Variants in DOCK3 observed in about 807,000 individuals in gnomAD.
DOCK3 encodes the protein dedicator of cytokinesis 3, also known as dedicator of cytokinesis protein 3.
In DOCK3, 60 loss-of-function variants were observed where a neutral mutation model predicts 265.6. That is an observed-to-expected ratio of 0.23 (90% CI 0.18 to 0.28). The LOEUF (loss-of-function observed/expected upper bound fraction) is 0.28, where lower values mean the gene tolerates loss of function less well. Ranked by LOEUF, DOCK3 falls within the 10% of genes least tolerant of loss-of-function variation. The pLI, the probability that DOCK3 is intolerant of heterozygous loss-of-function variation, is 1.00. For synonymous variants in DOCK3, 881 were observed against 938.0 expected, an observed-to-expected ratio of 0.94 and a Z score of 1.11; for missense variants, 1,981 against 2,594.3, an observed-to-expected ratio of 0.76 and a Z score of 5.14.
intron 1 of DOCK3, among the ~76,000 whole-genome samples, chr3:50,728,276 A>C (rs1403164244): frequency 6.6e-6 from 1 of 152,214 alleles, no homozygotes; most frequent in Non-Finnish European, 1.5e-5. Context: ...AATGATAATG[A>C]ATACGTAACA....
At chr3:50,720,915 C>G (rs1245582929) in intron 1 of DOCK3, among the ~76,000 whole-genome samples, 1 of 151,982 alleles carries the variant, frequency 6.6e-6, no homozygotes, top group African/African-American at 2.4e-5. Flanking sequence ...TAGATGGTGT[C>G]TCATTGTGGT....
intron 4 of DOCK3, chr3:50,901,765 C>T: frequency 4.5e-6 from 2 of 440,860 alleles, no homozygotes; most frequent in Non-Finnish European, 9.1e-6. Flanking sequence ...TGAGGCGACA[C>T]CCTACCCTGC....
chr3:51,153,319 A>C (rs771744468), intron 10 of DOCK3, among the ~76,000 whole-genome samples: 4 of 152,232 alleles, frequency 2.6e-5, no homozygotes, highest in Non-Finnish European at 5.9e-5. Flanking sequence ...TCCCAGGCAC[A>C]GGATGTAATC....
In DOCK3 at chr3:51,374,959, C is replaced by T. The variant is rs1475651892; in HGVS notation, c.5412+372C>T. Among the ~76,000 whole-genome samples, 1 of 152,208 alleles carries T rather than the reference C, an allele frequency of 6.6e-6. No homozygotes were observed. The highest frequency in any genetic ancestry group is 1.9e-4 in the East Asian group (1 of 5,200). The stretch of plus-strand genomic sequence containing the variant: ...CACATTGGTCTGGAAGATGTTCTTC[C>T]TCCCTATTTGTGGGGCATCCTCACT... On this transcript the variant is annotated intron_variant, in intron 50 of 52. Coordinates refer to ENST00000266037, the MANE Select transcript of DOCK3 (RefSeq NM_004947.5). This position sits in a 1 kb window ranked among gnomAD's most constrained non-coding sequence, Gnocchi z 4.8.
Position 51,277,595 on chromosome 3 carries a change from C to A in DOCK3, c.2677-13C>A, listed in dbSNP as rs2080884882. 2 of 1,523,810 alleles carry A rather than the reference C, an allele frequency of 1.3e-6. No homozygotes were observed. Among genetic ancestry groups the A allele is most frequent in the East Asian group, 4.8e-5 (2 of 42,084 alleles). 94.4% of individuals were successfully genotyped at this position (1,523,810 alleles called of 1,614,324 possible). The stretch of plus-strand genomic sequence containing the variant: ...TTGCTGCTAATGGTGTGCTCTCTTG[C>A]TGCTCGCTCCAGGAGGCAGATGTCA... On this transcript the variant is annotated splice_polypyrimidine_tract_variant and intron_variant, in intron 25 of 52. Coordinates refer to ENST00000266037, the MANE Select transcript of DOCK3 (RefSeq NM_004947.5).
At chr3:51,139,203 A>T (rs1460257528) in intron 9 of DOCK3, among the ~76,000 whole-genome samples, 1 of 151,064 alleles carries the variant, frequency 6.6e-6, no homozygotes, top group African/African-American at 2.4e-5. Context: ...CATCACATTC[A>T]TTCACATTTT....
At chr3:50,934,153 A>G in intron 5 of DOCK3, 76 bp downstream of exon 5, 1 of 1,004,338 alleles carries the variant, frequency 1.0e-6, no homozygotes, top group Non-Finnish European at 1.4e-6. Context: ...TATGCTAAGT[A>G]TGCATTTTAG....
intron 2 of DOCK3, among the ~76,000 whole-genome samples, chr3:50,790,739 G>C (rs2108600851): frequency 6.6e-6 from 1 of 152,198 alleles, no homozygotes; most frequent in South Asian, 2.1e-4. Flanking sequence ...TTGCCTCACA[G>C]CTCTTAAGAT....
intron 4 of DOCK3, among the ~76,000 whole-genome samples, chr3:50,905,149 G>A (rs1419789489): frequency 6.6e-6 from 1 of 152,136 alleles, no homozygotes; most frequent in East Asian, 1.9e-4. Flanking sequence ...GTACCATGCT[G>A]TTTTGGTTAC....
intron 3 of DOCK3, among the ~76,000 whole-genome samples, chr3:50,853,823 A>T (rs1222768593): frequency 2.0e-5 from 3 of 151,312 alleles, no homozygotes; most frequent in African/African-American, 7.3e-5. Flanking sequence ...CTTTGGGTAG[A>T]TACCCAGTCG....
At chr3:50,719,499 C>A in intron 1 of DOCK3, 2 of 869,506 alleles carry the variant, frequency 2.3e-6, no homozygotes, top group East Asian at 4.9e-5. Flanking sequence ...TGTCCACAGT[C>A]GGCAATGGTG....
chr3:50,687,076 G>A (rs890718331), intron 1 of DOCK3, among the ~76,000 whole-genome samples: 16 of 151,842 alleles, frequency 1.1e-4, no homozygotes, highest in African/African-American at 3.9e-4. Flanking sequence ...TGGGCATGGT[G>A]GCAGATGCCT....
intron 12 of DOCK3, among the ~76,000 whole-genome samples, chr3:51,187,034 A>G (rs2087649513): frequency 6.6e-6 from 1 of 152,192 alleles, no homozygotes; most frequent in Non-Finnish European, 1.5e-5. Flanking sequence ...GAGGGCCACC[A>G]TCCTCCAGAC....
At chr3:51,130,028 G>T (rs955951940) in intron 9 of DOCK3, among the ~76,000 whole-genome samples, 2 of 152,158 alleles carry the variant, frequency 1.3e-5, no homozygotes, top group Admixed American at 6.5e-5. Flanking sequence ...GTTGTAGGAG[G>T]GTCCAAATGC....
intron 2 of DOCK3, among the ~76,000 whole-genome samples, chr3:50,798,058 T>C (rs1297649115): frequency 6.6e-6 from 1 of 152,170 alleles, no homozygotes; most frequent in Non-Finnish European, 1.5e-5. Context: ...CTGACCACAG[T>C]ATAAATAAAT....
chr3:50,762,645 C>T (rs1379644097), intron 1 of DOCK3, among the ~76,000 whole-genome samples: 1 of 151,824 alleles, frequency 6.6e-6, no homozygotes, highest in Non-Finnish European at 1.5e-5. Flanking sequence ...ATAAAGCATT[C>T]AGTTTTTCTT....
intron 9 of DOCK3, among the ~76,000 whole-genome samples, chr3:51,142,509 G>A (rs529761081): frequency 6.6e-6 from 1 of 152,070 alleles, no homozygotes; most frequent in East Asian, 1.9e-4. Flanking sequence ...TTTTTTCATT[G>A]AGTTTTTTCA....
chr3:51,083,734 G>A (rs756906366), intron 7 of DOCK3, among the ~76,000 whole-genome samples: 11 of 152,140 alleles, frequency 7.2e-5, no homozygotes, highest in Non-Finnish European at 1.6e-4. Flanking sequence ...TATAATCCCA[G>A]CACTTTAGGA....
At chr3:50,983,421 A>G (rs1458272218) in intron 5 of DOCK3, among the ~76,000 whole-genome samples, 1 of 152,138 alleles carries the variant, frequency 6.6e-6, no homozygotes, top group African/African-American at 2.4e-5. Context: ...TGGACCAGTC[A>G]TACACATTTC....
Sources: gnomAD v4.1 joint callset for allele counts (sites outside exome capture counted in the v4.1 genomes callset) on GRCh38, gnomAD v4.1.1 for gene constraint, Gnocchi (gnomAD v3.1) non-coding constraint, MANE v1.5 for transcripts, NCBI Gene and HGNC (gene_info 2026-07-23, HGNC 2026-07-21) for gene names.